The following PALLD variants were observed in gnomAD, a reference collection of about 807,000 sequenced individuals.
PALLD encodes palladin, cytoskeletal associated protein.
PALLD carries 61 observed loss-of-function variants against 123.5 expected under a neutral mutation model. The ratio of observed to expected loss-of-function variants is 0.49; its 90% CI spans 0.40 to 0.61. The LOEUF (loss-of-function observed/expected upper bound fraction) is 0.61, where lower values mean the gene tolerates loss of function less well. PALLD is among the 20% of genes least tolerant of loss of function. The probability of loss-of-function intolerance (pLI) is 0.00; values close to 1 mark genes in which losing one functional copy is unlikely to be tolerated. For synonymous variants in PALLD, 465 were observed against 496.4 expected (o/e 0.94, Z 0.84); for missense variants, 1,273 against 1,377.0 (o/e 0.92, Z 1.20).
intron 2 of PALLD, among the ~76,000 whole-genome samples, chr4:168,639,757 G>C (rs1039122635): frequency 6.6e-6 from 1 of 152,028 alleles, no homozygotes; most frequent in East Asian, 1.9e-4. Flanking sequence ...TGTTAGCCAG[G>C]ATGGTCTCGA....
At chr4:168,839,283 T>C (rs1308789447) in intron 10 of PALLD, among the ~76,000 whole-genome samples, 4 of 152,140 alleles carry the variant, frequency 2.6e-5, no homozygotes, top group Non-Finnish European at 4.4e-5. Flanking sequence ...TCTTTTGTAG[T>C]ATTCTCTTGG....
chr4:168,845,164 C>T (rs1176544767), intron 10 of PALLD, among the ~76,000 whole-genome samples: 1 of 152,130 alleles, frequency 6.6e-6, no homozygotes, highest in Non-Finnish European at 1.5e-5. Flanking sequence ...TGTGGAAGGC[C>T]TTGCTTTCCA....
intron 17 of PALLD, 120 bp from the exon 18 acceptor site, chr4:168,921,406 CAAAAAAAA>C (rs5863967): frequency 5.2e-5 from 19 of 362,422 alleles, no homozygotes; most frequent in South Asian, 4.4e-4. Flanking sequence ...AAACTCTGTC[CAAAAAAAA>C]AAAAAAAAAA....
intron 10 of PALLD, among the ~76,000 whole-genome samples, chr4:168,833,100 C>T (rs76929596): frequency 0.15 from 22,145 of 152,118 alleles, 2,112 homozygotes; most frequent in African/African-American, 0.26. Flanking sequence ...GCTTCCCGCC[C>T]GTTTGTCTCA....
chr4:168,863,874 A>G (rs1342979456), intron 10 of PALLD: 6 of 152,200 alleles, frequency 3.9e-5, no homozygotes, highest in Non-Finnish European at 7.3e-5. Context: ...CCACAAAAAT[A>G]CTTACTAATC....
At chr4:168,664,527 A>G (rs6839585) in intron 2 of PALLD, among the ~76,000 whole-genome samples, 19,954 of 152,158 alleles carry the variant, frequency 0.13, 1,396 homozygotes, top group African/African-American at 0.18. Context: ...TTTGTTCTCC[A>G]CCTCAGTGAA....
chr4:168,518,412 T>C (rs1763209318), intron 2 of PALLD, among the ~76,000 whole-genome samples: 1 of 152,182 alleles, frequency 6.6e-6, no homozygotes, highest in Non-Finnish European at 1.5e-5. Context: ...GGCTTCTCAC[T>C]TAGTCCGAGT....
At chr4:168,625,510 T>TATATAGATAGATAGATAGATAGATAG (rs1775169265) in intron 2 of PALLD, among the ~76,000 whole-genome samples, 2 of 65,098 alleles carry the variant, frequency 3.1e-5, no homozygotes, top group Non-Finnish European at 4.1e-5. Flanking sequence ...GAGATATATA[T>TATATAGATAGATAGATAGATAGATAG]ATATATATCC....
chr4:168,618,081 T>C (rs1213734931), intron 2 of PALLD, among the ~76,000 whole-genome samples: 1 of 152,102 alleles, frequency 6.6e-6, no homozygotes, highest in Non-Finnish European at 1.5e-5. Flanking sequence ...AACAGGGAAG[T>C]GGAATAAGAG....
At chr4:168,594,221 T>C (rs1380211020) in intron 2 of PALLD, among the ~76,000 whole-genome samples, 1 of 152,050 alleles carries the variant, frequency 6.6e-6, no homozygotes, top group African/African-American at 2.4e-5. Flanking sequence ...TTAACGATAG[T>C]GTAAGTAGAA....
At chr4:168,813,448 T>G (rs1741457081) in intron 10 of PALLD, among the ~76,000 whole-genome samples, 1 of 151,998 alleles carries the variant, frequency 6.6e-6, no homozygotes, top group African/African-American at 2.4e-5. Context: ...ATTATCTGAT[T>G]GATTGGTTGA....
Position 168,819,756 on chromosome 4 carries a change from C to T in PALLD, c.1965-71166C>T, listed in dbSNP as rs77096334. ...ATTTACACACCCAGGTGTCAAAAAG[C>T]AGAGGAGAAGCAAAGAAGTAAATAT... On this transcript the variant is annotated intron_variant, in intron 10 of 21. Transcript: ENST00000505667. Among the ~76,000 whole-genome samples the T allele has an allele frequency of 7.9e-3, 1,203 of 152,260 alleles. 14 individuals carry two copies. The highest frequency in any genetic ancestry group is 0.027 in the Middle Eastern group (8 of 294).
intron 10 of PALLD, among the ~76,000 whole-genome samples, chr4:168,766,712 G>A (rs1190876974): frequency 1.3e-5 from 2 of 152,200 alleles, no homozygotes; most frequent in East Asian, 3.9e-4. Flanking sequence ...ACGACCTTCG[G>A]GAGAAGTCAC....
chr4:168,628,680 C>T (rs951973424), intron 2 of PALLD, among the ~76,000 whole-genome samples: 3 of 152,158 alleles, frequency 2.0e-5, no homozygotes, highest in Non-Finnish European at 4.4e-5. Context: ...TTAAAATTCC[C>T]CACTGACATC....
intron 10 of PALLD, among the ~76,000 whole-genome samples, chr4:168,880,660 T>C (rs1194216123): frequency 6.6e-6 from 1 of 152,256 alleles, no homozygotes; most frequent in Non-Finnish European, 1.5e-5. Flanking sequence ...TGAGTGTCCC[T>C]ATCAGGGCTG....
intron 10 of PALLD, among the ~76,000 whole-genome samples, chr4:168,886,978 G>C (rs1476530018): frequency 6.6e-6 from 1 of 151,756 alleles, no homozygotes; most frequent in Admixed American, 6.6e-5. Flanking sequence ...TTAGCCAGGC[G>C]TGGTGGCTCA....
chr4:168,805,919 G>A (rs11726774), intron 10 of PALLD, among the ~76,000 whole-genome samples: 75,776 of 151,960 alleles, frequency 0.5, 19,572 homozygotes, highest in East Asian at 0.83. Flanking sequence ...GTCCTTTGAT[G>A]ATGCGGTTTG....
chr4:168,586,633 T>C (rs1487028401), intron 2 of PALLD, among the ~76,000 whole-genome samples: 1 of 152,176 alleles, frequency 6.6e-6, no homozygotes, highest in African/African-American at 2.4e-5. Flanking sequence ...GTTTGAACTG[T>C]AAACCCAGTT....
At chr4:168,889,166 G>GTGTGTGTGTGTGTGTGTGT (rs567772815) in intron 10 of PALLD, among the ~76,000 whole-genome samples, 1 of 137,922 alleles carries the variant, frequency 7.3e-6, no homozygotes, top group Non-Finnish European at 1.5e-5. Context: ...GTGTGTGTGT[G>GTGTGTGTGTGTGTGTGTGT]GTTTTTTTTT....
Sources: gnomAD v4.1 joint callset for allele counts (sites outside exome capture counted in the v4.1 genomes callset) on GRCh38, gnomAD v4.1.1 for gene constraint, MANE v1.5 for transcripts, NCBI Gene and HGNC (gene_info 2026-07-23, HGNC 2026-07-21) for gene names.